DDX17: variants seen among roughly 807,000 people sequenced by gnomAD.
DDX17 encodes the protein probable ATP-dependent RNA helicase DDX17.
DDX17 carries 10 observed loss-of-function variants against 80.8 expected under a neutral mutation model. That is an observed-to-expected ratio of 0.12 (90% CI 0.08 to 0.21). The LOEUF (loss-of-function observed/expected upper bound fraction) is 0.21. Ranked by LOEUF, DDX17 falls within the 10% of genes least tolerant of loss-of-function variation. The pLI, the probability that DDX17 is intolerant of heterozygous loss-of-function variation, is 1.00. For synonymous variants in DDX17, 339 were observed against 336.2 expected (o/e 1.01, Z -0.09); for missense variants, 586 against 957.4 (o/e 0.61, Z 5.12).
intron 11 of DDX17, 132 bp from the exon 12 acceptor site, chr22:38,488,247 A>T (rs778301582): frequency 6.4e-7 from 1 of 1,570,906 alleles, no homozygotes; most frequent in Non-Finnish European, 8.6e-7. Flanking sequence ...GTTAGTAACC[A>T]CTCTGAACAG....
chr22:38,497,881 C>T (rs989399310), intron 5 of DDX17, among the ~76,000 whole-genome samples: 1 of 152,156 alleles, frequency 6.6e-6, no homozygotes, highest in East Asian at 1.9e-4. Context: ...AAGAGTAAGA[C>T]TTTGGTTCAA....
rs938195384 is a variant in DDX17 at position 38,494,973 on chromosome 22, T to C, written c.954A>G (p.Arg318=). The C allele has an allele frequency of 2.5e-6, 4 of 1,614,178 alleles. No individual in the cohort carries two copies. The Admixed American group carries it at 6.7e-5, about 27-fold the overall frequency. ...CTTCGTCCAATACAAGGTAAGTACA[T>C]CGGCGAAGATTTGTCTTTCCTGACT... The change falls in exon 7 of 13, where the codon CGA becomes CGG. Residue 318 remains arginine, a synonymous_variant. Coordinates refer to ENST00000403230, the MANE Select transcript of DDX17 (RefSeq NM_006386.5).
Position 38,499,403 on chromosome 22 carries a change from G to C in DDX17, c.535C>G (p.Pro179Ala), listed in dbSNP as rs1414384604. 6.2e-7 allele frequency: 1 copy of C among 1,611,832 alleles called. No homozygotes were observed. The highest frequency in any genetic ancestry group is 1.3e-5 in the African/African-American group (1 of 74,842). Residue 179 changes from proline to alanine, a missense_variant, in exon 3 of 13, where the codon CCA becomes GCA. Pro to Ala is a conservative substitution (Grantham distance 27). Coordinates refer to ENST00000403230, the MANE Select transcript of DDX17 (RefSeq NM_006386.5). ...TTCTAGATTGAAGAACACTTACGTG[G>C]GAAGTTAGCATGATGGAAGGCAAAC...
chr22:38,492,668 TAG>T (rs1389168974), intron 10 of DDX17, among the ~76,000 whole-genome samples: 1 of 152,184 alleles, frequency 6.6e-6, no homozygotes, highest in Non-Finnish European at 1.5e-5. Context: ...GTATTTTTAG[TAG>T]AGACGGGGTT....
intron 11 of DDX17, chr22:38,490,642 T>C (rs2089704701): frequency 5.4e-6 from 2 of 367,700 alleles, no homozygotes; most frequent in Admixed American, 8.4e-5. Context: ...AAAAAGGCCC[T>C]GGTGACTCAG....
At chr22:38,501,070 C>T in intron 2 of DDX17, 60 bp downstream of exon 2, 1 of 1,557,726 alleles carries the variant, frequency 6.4e-7, no homozygotes, top group Non-Finnish European at 8.7e-7. Flanking sequence ...TGAATAAACT[C>T]TAACCAATAT....
intron 1 of DDX17, among the ~76,000 whole-genome samples, chr22:38,503,228 A>C (rs1457938426): frequency 6.6e-6 from 1 of 152,192 alleles, no homozygotes; most frequent in Non-Finnish European, 1.5e-5. Flanking sequence ...CTCCCGCCAC[A>C]CTTGCAAATG....
chr22:38,497,989 G>A, intron 5 of DDX17, 96 bp downstream of exon 5: 1 of 1,170,760 alleles, frequency 8.5e-7, no homozygotes, highest in South Asian at 1.3e-5. Flanking sequence ...GGAGGGTGTG[G>A]TTAAGAGTAC....
intron 11 of DDX17, chr22:38,490,271 T>C (rs2089700076): frequency 1.6e-6 from 2 of 1,254,864 alleles, no homozygotes; most frequent in Middle Eastern, 2.2e-4. Flanking sequence ...GCCAGCTGAC[T>C]GGGATAAGAA....
rs1413023363 is a variant in DDX17 at position 38,501,260 on chromosome 22, C to T, written c.308G>A (p.Gly103Asp). The change falls in exon 2 of 13, where the codon GGT becomes GAT. Residue 103 changes from glycine (G) to aspartate (D), a missense_variant. Physicochemically the swap from Gly to Asp is moderately conservative, Grantham distance 94. Coordinates refer to ENST00000403230, the MANE Select transcript of DDX17 (RefSeq NM_006386.5). ...ACCAAATTTCTTCGGGGGAAGGCCACCACCACCTCTTGCTCCAAATCTAGG... is the reference window on the plus strand; with the variant it reads ...ACCAAATTTCTTCGGGGGAAGGCCATCACCACCTCTTGCTCCAAATCTAGG... 33 of 1,610,220 alleles carry T rather than the reference C, an allele frequency of 2.0e-5. No individual in the cohort carries two copies. Among genetic ancestry groups the T allele is most frequent in the Non-Finnish European group, 2.7e-5 (32 of 1,178,526 alleles).
intron 8 of DDX17, 146 bp downstream of exon 8, chr22:38,494,484 G>T: frequency 1.4e-6 from 1 of 739,376 alleles, no homozygotes; most frequent in Non-Finnish European, 2.2e-6. Flanking sequence ...TCTGACAAAT[G>T]ATATGATGAT....
intron 3 of DDX17, 125 bp from the exon 4 acceptor site, chr22:38,498,698 T>C (rs1396824835): frequency 1.9e-6 from 2 of 1,035,702 alleles, no homozygotes; most frequent in East Asian, 2.6e-5. Context: ...AAGTGCTTTT[T>C]CTTTATCTAC....
intron 11 of DDX17, chr22:38,490,237 A>G: frequency 1.6e-6 from 2 of 1,234,592 alleles, no homozygotes; most frequent in South Asian, 1.4e-5. Context: ...GTAGCAGGGT[A>G]AGAAATCCAA....
intron 2 of DDX17, among the ~76,000 whole-genome samples, chr22:38,500,011 A>T (rs1007390910): frequency 2.0e-5 from 3 of 151,910 alleles, no homozygotes; most frequent in Admixed American, 6.6e-5. Flanking sequence ...CTGAAAAAAA[A>T]AAAATAAATA....
At chr22:38,488,634 C>T in intron 11 of DDX17, 1 of 987,562 alleles carries the variant, frequency 1.0e-6, no homozygotes, top group African/African-American at 1.7e-5. Flanking sequence ...TTTATTACTA[C>T]AATTTAAAGG....
chr22:38,500,592 TGAGGTCC>T (rs1333307064), intron 2 of DDX17, among the ~76,000 whole-genome samples: 1 of 151,694 alleles, frequency 6.6e-6, no homozygotes, highest in African/African-American at 2.4e-5. Context: ...GTCGATCACC[TGAGGTCC>T]GAGGTCCGGA....
At chr22:38,488,155 G>A (rs1347769829) in intron 11 of DDX17, 40 bp from the exon 12 acceptor site, 12 of 1,612,558 alleles carry the variant, frequency 7.4e-6, no homozygotes, top group Admixed American at 1.7e-5. Flanking sequence ...GGTTGATGTG[G>A]CAGGGAAAGA....
intron 5 of DDX17, among the ~76,000 whole-genome samples, chr22:38,496,671 G>A (rs2089771355): frequency 6.6e-6 from 1 of 152,006 alleles, no homozygotes; most frequent in South Asian, 2.1e-4. Flanking sequence ...ATTTTGGATG[G>A]TCATCCTGAC....
intron 11 of DDX17, 57 bp downstream of exon 11, chr22:38,491,999 G>A (rs1046318208): frequency 4.0e-6 from 5 of 1,255,092 alleles, no homozygotes; most frequent in African/African-American, 1.5e-5. Flanking sequence ...TTGAAATGAC[G>A]AATCTTTAAA....
Sources: gnomAD v4.1 joint callset for allele counts (sites outside exome capture counted in the v4.1 genomes callset) on GRCh38, gnomAD v4.1.1 for gene constraint, MANE v1.5 for transcripts, NCBI Gene and HGNC (gene_info 2026-07-23, HGNC 2026-07-21) for gene names.